Variants in BRI3 observed in about 807,000 individuals in gnomAD.
BRI3 encodes membrane protein BRI3.
BRI3 carries 6 observed loss-of-function variants against 12.8 expected under a neutral mutation model. That is an observed-to-expected ratio of 0.47 (90% CI 0.26 to 0.93). The LOEUF is 0.93. Among genes scored for constraint, BRI3 ranks in the 40% least tolerant of loss-of-function variants. The pLI is 0.15. For synonymous variants in BRI3, 91 were observed against 76.1 expected (o/e 1.20, Z -1.02); for missense variants, 134 against 171.1 (o/e 0.78, Z 1.21).
At chr7:98,295,233 G>A (rs182726826), downstream of BRI3, among the ~76,000 whole-genome samples, 79 of 152,330 alleles carry the variant, frequency 5.2e-4, no homozygotes, top group Non-Finnish European at 1.0e-3. Flanking sequence ...CATGTTGGGT[G>A]TACAGGCTGT....
the BRI3 span, among the ~76,000 whole-genome samples, chr7:98,316,477 C>T: frequency 6.6e-6 from 1 of 152,164 alleles, no homozygotes; most frequent in Non-Finnish European, 1.5e-5. Context: ...TTATACTTAA[C>T]TCAGGGAAAC....
downstream of BRI3, chr7:98,293,928 C>CAGG: frequency 1.1e-6 from 1 of 932,614 alleles, no homozygotes; most frequent in Non-Finnish European, 1.7e-6. Flanking sequence ...GTAAAGCGAG[C>CAGG]AGGGGGCTGC....
chr7:98,306,405 G>T (rs760146100), upstream of BRI3: 16 of 1,611,842 alleles, frequency 9.9e-6, no homozygotes, highest in East Asian at 3.3e-4. Flanking sequence ...AGGGGTTTCT[G>T]TCACCGGGAG....
upstream of BRI3, among the ~76,000 whole-genome samples, chr7:98,303,630 G>A (rs930232456): frequency 1.3e-5 from 2 of 152,192 alleles, no homozygotes; most frequent in Non-Finnish European, 2.9e-5. Flanking sequence ...CAGGGCCTCT[G>A]TGCGGTGGCG....
At chr7:98,303,929 G>C (rs1311129830), upstream of BRI3, among the ~76,000 whole-genome samples, 3 of 152,196 alleles carry the variant, frequency 2.0e-5, no homozygotes, top group African/African-American at 7.2e-5. Context: ...ATAAAATCTA[G>C]CAAACTAGAG....
exon 2 of BRI3, chr7:98,307,719 C>A: frequency 1.2e-6 from 2 of 1,614,246 alleles, no homozygotes; most frequent in Non-Finnish European, 1.7e-6. Context: ...TCCATAGAGC[C>A]AGCCATCCTT....
chr7:98,307,793 G>T lies in BRI3; in HGVS notation n.423G>T, dbSNP rs574975082. On this transcript the variant is annotated non_coding_transcript_exon_variant, in exon 2 of 2. Coordinates refer to the BRI3 transcript ENST00000485422. ...CAAAGCTGAGTAAGGTCTTGTTGGAGCCCGCAGTGTGCGGGAAGATGGTCT... is the reference window on the plus strand; with the variant it reads ...CAAAGCTGAGTAAGGTCTTGTTGGATCCCGCAGTGTGCGGGAAGATGGTCT... The T allele has an allele frequency of 2.4e-5, 39 of 1,614,256 alleles. No homozygotes were observed. The African/African-American group carries it at 4.3e-4, about 18-fold the overall frequency.
In BRI3 at chr7:98,307,471, C is replaced by T. The variant is rs560898715; in HGVS notation, n.145-44C>T. 1.1e-5 allele frequency: 15 copies of T among 1,415,624 alleles called. No homozygotes were observed. In the South Asian group the frequency reaches 2.1e-4, roughly 20 times the overall value. 87.7% of individuals were successfully genotyped at this position (1,415,624 alleles called of 1,614,324 possible). A position where few individuals can be genotyped will look rare whatever the true frequency, so the allele number is the denominator to read the frequency against. On this transcript the variant is annotated intron_variant and non_coding_transcript_variant, in intron 1 of 1. Transcript: ENST00000485422. ...ACTTTCAGACAGGTGACTTCATACG[C>T]TCTAATAACTATGCATGCACCAAAT...
At chr7:98,319,323 G>A in the BRI3 span, among the ~76,000 whole-genome samples, 3 of 152,176 alleles carry the variant, frequency 2.0e-5, no homozygotes, top group Admixed American at 2.0e-4. Flanking sequence ...TAGAGAAGGG[G>A]CGCCATGCAG....
chr7:98,318,803 G>A, the BRI3 span, among the ~76,000 whole-genome samples: 1 of 151,670 alleles, frequency 6.6e-6, no homozygotes, highest in Non-Finnish European at 1.5e-5. Context: ...AATTAGCCGG[G>A]TGCAGTGGTG....
At chr7:98,306,498 C>T (rs138564547), upstream of BRI3, 27 of 1,614,010 alleles carry the variant, frequency 1.7e-5, no homozygotes, top group East Asian at 8.9e-5. Context: ...TCGTGTACGA[C>T]GACGGGAACC....
At chr7:98,304,502 TCA>T (rs113102084), upstream of BRI3, 2,528 of 948,562 alleles carry the variant, frequency 2.7e-3, 56 homozygotes, top group African/African-American at 0.036. Flanking sequence ...GATCTTGATC[TCA>T]CACACACAGA....
At chr7:98,311,973 T>C, downstream of BRI3, 1 of 941,488 alleles carries the variant, frequency 1.1e-6, no homozygotes, top group Non-Finnish European at 1.6e-6. Flanking sequence ...GGGATAGAGG[T>C]GCGAAAAGGT....
At chr7:98,292,367 C>T (rs1449605651), downstream of BRI3, 1 of 433,378 alleles carries the variant, frequency 2.3e-6, no homozygotes, top group Non-Finnish European at 4.2e-6. Flanking sequence ...CACCACCACA[C>T]CTGTCTAATT....
At chr7:98,288,344 A>G (rs1175658574) in intron 2 of BRI3, among the ~76,000 whole-genome samples, 1 of 151,990 alleles carries the variant, frequency 6.6e-6, no homozygotes, top group African/African-American at 2.4e-5. Flanking sequence ...CTGGGGGAGA[A>G]GGTCCTGGAG....
chr7:98,293,705 C>CT (rs1208004837), downstream of BRI3: 3 of 1,065,200 alleles, frequency 2.8e-6, no homozygotes, highest in African/African-American at 4.6e-5. Flanking sequence ...GGCTGACCAC[C>CT]TCCCCAGCTT....
At chr7:98,290,741 C>T (rs891842033) in intron 2 of BRI3, among the ~76,000 whole-genome samples, 1 of 152,196 alleles carries the variant, frequency 6.6e-6, no homozygotes, top group Admixed American at 6.5e-5. Flanking sequence ...TCAGGTGATC[C>T]ACCCGCCTCC....
chr7:98,307,556 TA>T, exon 2 of BRI3: 1 of 1,470,330 alleles, frequency 6.8e-7, no homozygotes, highest in Admixed American at 2.4e-5. Flanking sequence ...TTCAGTTAAC[TA>T]AACTAGAACT....
upstream of BRI3, chr7:98,304,489 CCTGAT>C: frequency 9.7e-7 from 1 of 1,033,452 alleles, no homozygotes; most frequent in Non-Finnish European, 1.4e-6. Context: ...CCAATCAAAA[CCTGAT>C]CTTGATCTCA....
Sources: gnomAD v4.1 joint callset for allele counts (sites outside exome capture counted in the v4.1 genomes callset) on GRCh38, gnomAD v4.1.1 for gene constraint, MANE v1.5 for transcripts, NCBI Gene and HGNC (gene_info 2026-07-23, HGNC 2026-07-21) for gene names.